CCDC170: variants seen among roughly 807,000 people sequenced by gnomAD.
CCDC170 encodes coiled-coil domain-containing protein 170.
Under a neutral mutation model 72.6 loss-of-function variants are expected in CCDC170, and 69 were observed. That is an observed-to-expected ratio of 0.95 (90% CI 0.78 to 1.16). CCDC170 has a LOEUF of 1.16. Ranked by LOEUF, CCDC170 falls within the 50% of genes most tolerant of loss-of-function variation. CCDC170 has a pLI of 0.00. For missense variants in CCDC170, 852 were observed against 832.5 expected (o/e 1.02, Z -0.29); for synonymous variants, 300 against 303.9 (o/e 0.99, Z 0.13).
chr6:151,619,126 T>C lies in CCDC170; in HGVS notation c.*979T>C, dbSNP rs1777019542. The C allele has an allele frequency of 6.6e-6, 1 of 151,394 alleles. No individual in the cohort carries two copies. 9.4% of individuals were successfully genotyped at this position (151,394 alleles called of 1,614,324 possible). ...CTAATTCATTTGGATCAAACTTACA[T>C]AGGTCTCAGGTCCTGTAAGAAACTT... On this transcript the variant is annotated 3_prime_UTR_variant, in exon 11 of 11. Coordinates refer to ENST00000239374, the MANE Select transcript of CCDC170 (RefSeq NM_025059.4).
chr6:151,558,121 C>A (rs1218948909), intron 5 of CCDC170, among the ~76,000 whole-genome samples: 1 of 151,796 alleles, frequency 6.6e-6, no homozygotes, highest in African/African-American at 2.4e-5. Flanking sequence ...AATAAATAAA[C>A]CTTTGGCCAT....
intron 5 of CCDC170, among the ~76,000 whole-genome samples, chr6:151,565,619 C>A (rs1253734847): frequency 6.6e-6 from 1 of 152,146 alleles, no homozygotes; most frequent in Non-Finnish European, 1.5e-5. Context: ...CTGTTTTATT[C>A]TTCTTTGTGG....
rs373812131 is a variant in CCDC170, at chr6:151,564,804, G to C, written c.775-8370G>C. On this transcript the variant is annotated intron_variant, in intron 5 of 10. Transcript: ENST00000239374. Reference sequence around the variant, plus strand: ...ATGCACTGCGGTGGGGGTAGGGGCAGAGCAAAGCCAGGTGAGCCTGTCCTC... The same window carrying C: ...ATGCACTGCGGTGGGGGTAGGGGCACAGCAAAGCCAGGTGAGCCTGTCCTC... Among the ~76,000 whole-genome samples, 166 of 152,260 alleles carry C rather than the reference G, an allele frequency of 1.1e-3. 1 individual carries two copies. Among genetic ancestry groups the C allele is most frequent in the African/African-American group, 3.6e-3 (150 of 41,558 alleles).
At chr6:151,569,418 A>G (rs940105665) in intron 5 of CCDC170, among the ~76,000 whole-genome samples, 2 of 152,238 alleles carry the variant, frequency 1.3e-5, no homozygotes, top group Non-Finnish European at 2.9e-5. Flanking sequence ...ATCATTTTAC[A>G]TTTGTCGCTT....
At chr6:151,567,575 T>C (rs990675903) in intron 5 of CCDC170, among the ~76,000 whole-genome samples, 8 of 152,202 alleles carry the variant, frequency 5.3e-5, no homozygotes, top group African/African-American at 1.7e-4. Flanking sequence ...CCTTCATCTG[T>C]CAACAGTTCT....
intron 1 of CCDC170, among the ~76,000 whole-genome samples, chr6:151,495,447 C>T (rs1484656212): frequency 6.6e-6 from 1 of 151,344 alleles, no homozygotes; most frequent in African/African-American, 2.4e-5. Flanking sequence ...CATCATGATT[C>T]TTTCTTTCTC....
intron 1 of CCDC170, among the ~76,000 whole-genome samples, chr6:151,535,921 A>G (rs9689221): frequency 6.6e-6 from 1 of 151,820 alleles, no homozygotes; most frequent in Non-Finnish European, 1.5e-5. Context: ...ATTAAAAAAA[A>G]TTTTTTTTCT....
intron 7 of CCDC170, among the ~76,000 whole-genome samples, chr6:151,592,331 G>T (rs1321608074): frequency 6.6e-6 from 1 of 152,156 alleles, no homozygotes; most frequent in Non-Finnish European, 1.5e-5. Context: ...CTGTACTCCA[G>T]CCTGGGTGAC....
chr6:151,538,411 ACTC>A, intron 3 of CCDC170, 110 bp downstream of exon 3: 1 of 1,123,354 alleles, frequency 8.9e-7, no homozygotes, highest in Admixed American at 2.4e-5. Flanking sequence ...TGGCCCTTAA[ACTC>A]AATTTGAAAA....
intron 7 of CCDC170, 119 bp from the exon 8 acceptor site, chr6:151,592,988 C>G: frequency 9.1e-7 from 1 of 1,098,944 alleles, no homozygotes; most frequent in Non-Finnish European, 1.3e-6. Flanking sequence ...GTGCTCCGTT[C>G]CATGCTCTCT....
chr6:151,526,117 T>TTCCTTCCC (rs1363202714), intron 1 of CCDC170, among the ~76,000 whole-genome samples: 219 of 148,866 alleles, frequency 1.5e-3, no homozygotes, highest in African/African-American at 4.6e-3. Context: ...CCTTCCTTCC[T>TTCCTTCCC]TTCTTCCTTC....
At position 151,549,140 on chromosome 6, in the gene CCDC170, C is replaced by T. The variant is rs181775839; in HGVS notation, c.774+651C>T. Among the ~76,000 whole-genome samples the T allele has an allele frequency of 2.8e-3, 419 of 152,128 alleles. 3 individuals are homozygous for T. The highest frequency in any genetic ancestry group is 5.0e-3 in the Non-Finnish European group (338 of 67,998). ...CAGGATGGTCTCAATCTCCTGACCT[C>T]GTGATCTGCCCGCCTCAGCCTCCCA... On this transcript the variant is annotated intron_variant, in intron 5 of 10. Coordinates refer to ENST00000239374, the MANE Select transcript of CCDC170 (RefSeq NM_025059.4).
In CCDC170 at chr6:151,550,525, G is replaced by A. The variant is rs139526691; in HGVS notation, c.774+2036G>A. Among the ~76,000 whole-genome samples the A allele has an allele frequency of 2.8e-3, 420 of 152,234 alleles. 2 individuals carry two copies. The highest frequency in any genetic ancestry group is 9.6e-3 in the African/African-American group (398 of 41,544). On this transcript the variant is annotated intron_variant, in intron 5 of 10. Transcript: ENST00000239374. ...AATTCCCTGCATCAAAAGGCCCTTC[G>A]CACCACTAGCTTTATTCTCCTGACA...
At chr6:151,595,016 CT>C (rs1298593959) in intron 8 of CCDC170, among the ~76,000 whole-genome samples, 1 of 152,174 alleles carries the variant, frequency 6.6e-6, no homozygotes, top group African/African-American at 2.4e-5. Flanking sequence ...TTAAAAAGGT[CT>C]TGTTCAAAAA....
rs757486543 is a variant in CCDC170 at position 151,596,426 on chromosome 6, C to T, written c.1559C>T (p.Ala520Val). The T allele has an allele frequency of 2.5e-6, 4 of 1,614,042 alleles. No individual in the cohort carries two copies. In the African/African-American group the frequency reaches 5.3e-5, roughly 22 times the overall value. ...GCCCAGCTGGAGGAGGAGAAGCAGG[C>T]ACGCACGGCCTTGGTGGTTGAGAGG... ...KIAQLEEEKQ[A>V]RTALVVERDN... Residue 520 changes from alanine (A) to valine (V), a missense_variant, in exon 9 of 11, where the codon GCA becomes GTA. Transcript: ENST00000239374.
intron 1 of CCDC170, among the ~76,000 whole-genome samples, chr6:151,496,054 T>G (rs1483139780): frequency 6.6e-6 from 1 of 152,216 alleles, no homozygotes; most frequent in Non-Finnish European, 1.5e-5. Flanking sequence ...CTTCACATTT[T>G]TTTTGTTTGT....
chr6:151,543,218 T>C (rs1022986852), intron 3 of CCDC170, among the ~76,000 whole-genome samples: 3 of 152,172 alleles, frequency 2.0e-5, no homozygotes, highest in African/African-American at 7.2e-5. Context: ...AACAAACCTA[T>C]CTGAGATTTG....
chr6:151,505,583 T>C (rs1190673240), intron 1 of CCDC170, among the ~76,000 whole-genome samples: 3 of 151,008 alleles, frequency 2.0e-5, no homozygotes, highest in Admixed American at 1.3e-4. Context: ...ACCCGGGAGG[T>C]TGAGGCAGGA....
intron 3 of CCDC170, 87 bp from the exon 4 acceptor site, chr6:151,544,485 C>T (rs1161928930): frequency 1.6e-6 from 2 of 1,232,864 alleles, no homozygotes; most frequent in Non-Finnish European, 2.2e-6. Context: ...CAATTATTTC[C>T]CCCATAGAGC....
Sources: gnomAD v4.1 joint callset for allele counts (sites outside exome capture counted in the v4.1 genomes callset) on GRCh38, gnomAD v4.1.1 for gene constraint, MANE v1.5 for transcripts, NCBI Gene and HGNC (gene_info 2026-07-23, HGNC 2026-07-21) for gene names.